PLD5: variants seen among roughly 807,000 people sequenced by gnomAD.
PLD5 encodes inactive phospholipase D5.
A neutral mutation model predicts 61.1 loss-of-function variants in PLD5; 36 were observed. The ratio of observed to expected loss-of-function variants is 0.59; its 90% CI spans 0.45 to 0.78. The LOEUF (loss-of-function observed/expected upper bound fraction) is 0.78, where lower values mean the gene tolerates loss of function less well. Among genes scored for constraint, PLD5 ranks in the 30% least tolerant of loss-of-function variants. The pLI is 0.00. For missense variants in PLD5, 515 were observed against 644.4 expected (o/e 0.80, Z 2.17); for synonymous variants, 243 against 242.8 (o/e 1.00, Z -0.01).
intron 5 of PLD5, among the ~76,000 whole-genome samples, chr1:242,126,463 G>T (rs745808917): frequency 1.3e-5 from 2 of 152,110 alleles, no homozygotes; most frequent in Non-Finnish European, 2.9e-5. Flanking sequence ...AAAAATAGGC[G>T]CATAGCCCAA....
At position 242,265,211 on chromosome 1, in the gene PLD5, T is replaced by C. The variant is rs1286949275; in HGVS notation, c.607+126A>G. On this transcript the variant is annotated intron_variant, in intron 4 of 9. Coordinates refer to ENST00000536534, the MANE Select transcript of PLD5 (RefSeq NM_001372062.1). ...CTTTAATCGAGTTATTTTTCAAAGA[T>C]GTAAATGTACTATGTACTAAGTGAA... 6 of 1,200,750 alleles carry C rather than the reference T, an allele frequency of 5.0e-6. No individual in the cohort carries two copies. In the African/African-American group the frequency reaches 6.4e-5, roughly 13 times the overall value. 74.4% of individuals were successfully genotyped at this position (1,200,750 alleles called of 1,614,324 possible).
chr1:242,295,232 C>G (rs1438498322), intron 2 of PLD5, among the ~76,000 whole-genome samples: 1 of 152,116 alleles, frequency 6.6e-6, no homozygotes, highest in South Asian at 2.1e-4. Flanking sequence ...GATCTCATCA[C>G]CCAAACAGCG....
intron 1 of PLD5, among the ~76,000 whole-genome samples, chr1:242,395,016 AATATATATGT>A (rs1663450006): frequency 1.5e-5 from 2 of 134,890 alleles, no homozygotes; most frequent in African/African-American, 5.6e-5. Flanking sequence ...AATATATATG[AATATATATGT>A]ATATATGAAT....
chr1:242,184,441 G>A (rs1233245508), intron 5 of PLD5, among the ~76,000 whole-genome samples: 1 of 152,056 alleles, frequency 6.6e-6, no homozygotes, highest in Admixed American at 6.5e-5. Flanking sequence ...CTGGAGTGCA[G>A]TGGCGCGATC....
intron 1 of PLD5, among the ~76,000 whole-genome samples, chr1:242,458,349 G>A (rs1667007860): frequency 6.6e-6 from 1 of 152,176 alleles, no homozygotes; most frequent in Non-Finnish European, 1.5e-5. Context: ...TGCTCTCAAG[G>A]TCACAAAGAT....
intron 4 of PLD5, among the ~76,000 whole-genome samples, chr1:242,229,988 T>C (rs569537927): frequency 6.6e-5 from 10 of 152,154 alleles, no homozygotes; most frequent in East Asian, 5.8e-4. Context: ...CCAGGGGATG[T>C]GCAGCAATGC....
intron 9 of PLD5, among the ~76,000 whole-genome samples, chr1:242,095,070 G>C (rs1042840922): frequency 4.6e-5 from 7 of 152,010 alleles, no homozygotes; most frequent in Non-Finnish European, 8.8e-5. Context: ...CTGTGTACCT[G>C]GGACTACAGG....
chr1:242,527,420 G>T (rs1444225501), upstream of PLD5, among the ~76,000 whole-genome samples: 3 of 152,180 alleles, frequency 2.0e-5, no homozygotes, highest in Non-Finnish European at 4.4e-5. Flanking sequence ...ACAGGCGTGA[G>T]CCACCGCGCC....
Position 242,134,385 on chromosome 1 carries a change from GT to G in PLD5, c.736-9721del, listed in dbSNP as rs566378859. On this transcript the variant is annotated intron_variant, in intron 5 of 9. Transcript: ENST00000536534. ...GGAAGACTGGGTGATGTAGCCTTCA[GT>G]TTTTTTTTTTTTTTAATAAATAATT... is the stretch of plus-strand genomic sequence containing the variant. 6.9e-3 allele frequency among the ~76,000 whole-genome samples: 549 copies of G among 79,806 alleles called. 3 individuals are homozygous for G. Among genetic ancestry groups the G allele is most frequent in the East Asian group, 0.019 (44 of 2,308 alleles). The allele number at this position is 79,806 out of a possible 152,430, so 52.4% of individuals were successfully genotyped here. A position where few individuals can be genotyped will look rare whatever the true frequency, so the allele number is the denominator to read the frequency against.
chr1:242,303,253 T>C (rs1420042175), intron 2 of PLD5, among the ~76,000 whole-genome samples: 1 of 152,216 alleles, frequency 6.6e-6, no homozygotes, highest in African/African-American at 2.4e-5. Flanking sequence ...TGATAGTCAA[T>C]CACACTGTTC....
chr1:242,205,534 A>G (rs1173088321), intron 5 of PLD5, among the ~76,000 whole-genome samples: 1 of 152,226 alleles, frequency 6.6e-6, no homozygotes, highest in Non-Finnish European at 1.5e-5. Flanking sequence ...CAGCCCAGGT[A>G]ACCTTCTATA....
chr1:242,454,403 T>A lies in PLD5; in HGVS notation c.189+69685A>T, dbSNP rs1284385499. On this transcript the variant is annotated intron_variant, in intron 1 of 9. Transcript: ENST00000536534. ...CTAACAGTCATAAAGCATGTAGGGATGGCTTTCAGCTTCTAATACTGTTTC... is the reference window on the plus strand; with the variant it reads ...CTAACAGTCATAAAGCATGTAGGGAAGGCTTTCAGCTTCTAATACTGTTTC... Among the ~76,000 whole-genome samples, 4 of 151,734 alleles carry A rather than the reference T, an allele frequency of 2.6e-5. No homozygotes were observed. In the East Asian group the frequency reaches 7.7e-4, roughly 29 times the overall value.
At chr1:242,302,125 C>G (rs1385374224) in intron 2 of PLD5, among the ~76,000 whole-genome samples, 1 of 152,176 alleles carries the variant, frequency 6.6e-6, no homozygotes, top group Non-Finnish European at 1.5e-5. Flanking sequence ...TACACAAATA[C>G]TTACCATTGT....
intron 1 of PLD5, among the ~76,000 whole-genome samples, chr1:242,427,301 A>G (rs1266090450): frequency 2.0e-5 from 3 of 152,234 alleles, no homozygotes; most frequent in Non-Finnish European, 4.4e-5. Context: ...AGATATCAAC[A>G]GTAATATTTT....
Position 242,230,512 on chromosome 1 carries a change from G to A in PLD5, c.608-10397C>T, listed in dbSNP as rs80006607. 3.9e-3 allele frequency among the ~76,000 whole-genome samples: 588 copies of A among 152,050 alleles called. 2 individuals carry two copies. The highest frequency in any genetic ancestry group is 0.013 in the African/African-American group (535 of 41,476). Reference sequence around the variant, plus strand: ...TGAACAATGAAAAAAATCATAGTTCGCCTGTTCTTGGGGGCTTTAATTCTT... The same window carrying A: ...TGAACAATGAAAAAAATCATAGTTCACCTGTTCTTGGGGGCTTTAATTCTT... On this transcript the variant is annotated intron_variant, in intron 4 of 9. Transcript: ENST00000536534.
intron 3 of PLD5, among the ~76,000 whole-genome samples, chr1:242,267,142 A>C (rs1471344923): frequency 6.6e-6 from 1 of 151,642 alleles, no homozygotes; most frequent in Non-Finnish European, 1.5e-5. Flanking sequence ...AAAAACAAAA[A>C]AAAAAGAGAG....
At chr1:242,522,288 C>T (rs1218889418) in intron 1 of PLD5, among the ~76,000 whole-genome samples, 1 of 152,188 alleles carries the variant, frequency 6.6e-6, no homozygotes, top group Non-Finnish European at 1.5e-5. Flanking sequence ...GATGCTCACA[C>T]GCTTTCAAAT....
In PLD5 at chr1:242,084,534, A is replaced by G. The variant is rs1479764924; in HGVS notation, c.*5320T>C. On this transcript the variant is annotated 3_prime_UTR_variant, in exon 10 of 10. Coordinates refer to ENST00000536534, the MANE Select transcript of PLD5 (RefSeq NM_001372062.1). ...CACCTTGAGTCTGGAGCCTCAGACC[A>G]CTCGGCCGTCCTGACACTCTAGGCT... 6.6e-6 allele frequency: 1 copy of G among 151,982 alleles called. No individual in the cohort carries two copies. Among genetic ancestry groups the G allele is most frequent in the Admixed American group, 6.6e-5 (1 of 15,254 alleles). The allele number at this position is 151,982 out of a possible 1,614,324, so 9.4% of individuals were successfully genotyped here.
intron 1 of PLD5, among the ~76,000 whole-genome samples, chr1:242,504,826 T>C (rs1416479149): frequency 1.3e-5 from 2 of 152,206 alleles, no homozygotes; most frequent in Non-Finnish European, 2.9e-5. Context: ...TTCTTGCACA[T>C]CATAACTCTG....
Sources: gnomAD v4.1 joint callset for allele counts (sites outside exome capture counted in the v4.1 genomes callset) on GRCh38, gnomAD v4.1.1 for gene constraint, MANE v1.5 for transcripts, NCBI Gene and HGNC (gene_info 2026-07-23, HGNC 2026-07-21) for gene names.